COL4A4: variants seen among roughly 807,000 people sequenced by gnomAD.
COL4A4 encodes the protein collagen alpha-4(IV) chain.
COL4A4 carries 105 observed loss-of-function variants against 192.9 expected under a neutral mutation model. The ratio of observed to expected loss-of-function variants is 0.54; its 90% CI spans 0.46 to 0.64. The LOEUF (loss-of-function observed/expected upper bound fraction) is 0.64, where lower values mean the gene tolerates loss of function less well. Among genes scored for constraint, COL4A4 ranks in the 30% least tolerant of loss-of-function variants. The probability of loss-of-function intolerance (pLI) is 0.00; values close to 1 mark genes in which losing one functional copy is unlikely to be tolerated. For missense variants in COL4A4, 1,967 were observed against 2,169.3 expected, an observed-to-expected ratio of 0.91 and a Z score of 1.85; for synonymous variants, 762 against 769.9, an observed-to-expected ratio of 0.99 and a Z score of 0.17.
intron 23 of COL4A4, among the ~76,000 whole-genome samples, chr2:227,081,609 A>G (rs1174756104): frequency 6.6e-6 from 1 of 152,188 alleles, no homozygotes; most frequent in African/African-American, 2.4e-5. Flanking sequence ...TTTCACCTTG[A>G]GATCATATGA....
At position 227,023,083 on chromosome 2, in the gene COL4A4, G is replaced by A. The variant is rs75289293; in HGVS notation, c.4091-910C>T. ...TTCCTGAGTCAGAAGGTCTGAAGAG[G>A]GGGCCATGTACATCTCTAACATGTT... On this transcript the variant is annotated intron_variant, in intron 43 of 47. Transcript: ENST00000396625. Among the ~76,000 whole-genome samples the A allele has an allele frequency of 1.4e-3, 213 of 152,182 alleles. 1 individual carries two copies. In the East Asian group the frequency reaches 0.039, roughly 28 times the overall value.
chr2:227,080,120 A>C (rs2059241915), intron 24 of COL4A4, among the ~76,000 whole-genome samples: 1 of 152,204 alleles, frequency 6.6e-6, no homozygotes, highest in African/African-American at 2.4e-5. Context: ...CCACAGAGTC[A>C]ACTGAATACA....
At chr2:227,031,537 C>T (rs1335091794) in intron 40 of COL4A4, among the ~76,000 whole-genome samples, 2 of 152,098 alleles carry the variant, frequency 1.3e-5, no homozygotes, top group Non-Finnish European at 2.9e-5. Flanking sequence ...TCTTGTGTGC[C>T]ACAAGCCTGC....
chr2:227,002,860 A>G lies in COL4A4; in HGVS notation c.*4465T>C, dbSNP rs1428358604. 6.5e-6 allele frequency: 1 copy of G among 152,676 alleles called. No homozygotes were observed. 9.5% of individuals were successfully genotyped at this position (152,676 alleles called of 1,614,324 possible). A position where few individuals can be genotyped will look rare whatever the true frequency, so the allele number is the denominator to read the frequency against. ...TAACTTTACAACCAGAGGTTAGAGA[A>G]AGGGATGCAATTTATTAGACACATT... On this transcript the variant is annotated 3_prime_UTR_variant, in exon 48 of 48. Coordinates refer to ENST00000396625, the MANE Select transcript of COL4A4 (RefSeq NM_000092.5).
the COL4A4 span, chr2:226,988,839 G>C: frequency 2.9e-5 from 11 of 378,482 alleles, no homozygotes; most frequent in Non-Finnish European, 4.0e-5. Context: ...TTTGCAGCTA[G>C]ACCTATCTAT....
chr2:227,082,785 A>G (rs1372037906), intron 22 of COL4A4, among the ~76,000 whole-genome samples: 1 of 152,218 alleles, frequency 6.6e-6, no homozygotes. Flanking sequence ...ACCTTTTCTG[A>G]AGCTAATATA....
chr2:226,975,584 G>T, the COL4A4 span, among the ~76,000 whole-genome samples: 2 of 152,076 alleles, frequency 1.3e-5, no homozygotes, highest in African/African-American at 4.8e-5. Context: ...TGGGCAGTTT[G>T]GTACAGAAGA....
chr2:227,131,966 AGCTT>A, intron 4 of COL4A4, among the ~76,000 whole-genome samples: 1 of 152,276 alleles, frequency 6.6e-6, no homozygotes, highest in Middle Eastern at 3.4e-3. Context: ...CAGTGCCAGC[AGCTT>A]GCTTTTGGAC....
chr2:227,032,129 A>C lies in COL4A4; in HGVS notation c.3706+19T>G, dbSNP rs1246378616. 3 of 1,614,216 alleles carry C rather than the reference A, an allele frequency of 1.9e-6. No individual in the cohort carries two copies. The stretch of plus-strand genomic sequence containing the variant: ...TTGGTTTAGTTATTGAAAGAAGGGC[A>C]AAGCATGCTACAGCTTACCTGGGGG... On this transcript the variant is annotated intron_variant, in intron 39 of 47. Coordinates refer to ENST00000396625, the MANE Select transcript of COL4A4 (RefSeq NM_000092.5).
In COL4A4 at chr2:227,006,393, C is replaced by A. The variant is rs1042294489; in HGVS notation, c.*932G>T. 1 of 152,652 alleles carries A rather than the reference C, an allele frequency of 6.6e-6. No homozygotes were observed. Among genetic ancestry groups the A allele is most frequent in the Non-Finnish European group, 1.5e-5 (1 of 68,056 alleles). 9.5% of individuals were successfully genotyped at this position (152,652 alleles called of 1,614,324 possible). A position where few individuals can be genotyped will look rare whatever the true frequency, so the allele number is the denominator to read the frequency against. ...GCCTGCCTGAGTGAGCCCCATGTAG[C>A]GTCAGTCCCATTAGCACGCACGCAC... On this transcript the variant is annotated 3_prime_UTR_variant, in exon 48 of 48. Coordinates refer to ENST00000396625, the MANE Select transcript of COL4A4 (RefSeq NM_000092.5).
the COL4A4 span, among the ~76,000 whole-genome samples, chr2:226,978,577 CATTTGTTCATTT>C: frequency 1.3e-5 from 2 of 152,318 alleles, no homozygotes; most frequent in Admixed American, 6.5e-5. Flanking sequence ...TCCATTCCTG[CATTTGTTCATTT>C]ATTTGTTCAT....
Position 227,004,419 on chromosome 2 carries a change from G to C in COL4A4, c.*2906C>G, listed in dbSNP as rs775355828. On this transcript the variant is annotated 3_prime_UTR_variant, in exon 48 of 48. Transcript: ENST00000396625. Reference sequence around the variant, plus strand: ...GGAAATACTCCTAGAGGGAACCCTCGAACAGTCCCCACTGGACCTTTCACC... The same window carrying C: ...GGAAATACTCCTAGAGGGAACCCTCCAACAGTCCCCACTGGACCTTTCACC... 6.6e-6 allele frequency: 1 copy of C among 152,210 alleles called. No individual in the cohort carries two copies. The highest frequency in any genetic ancestry group is 2.1e-4 in the South Asian group (1 of 4,826). The allele number at this position is 152,210 out of a possible 1,614,324, so 9.4% of individuals were successfully genotyped here. A position where few individuals can be genotyped will look rare whatever the true frequency, so the allele number is the denominator to read the frequency against.
rs1358688803 is a variant in COL4A4 at position 227,149,949 on chromosome 2, C to T, written c.-101-2365G>A. Among the ~76,000 whole-genome samples the T allele has an allele frequency of 2.0e-5, 3 of 152,202 alleles. No individual in the cohort carries two copies. The East Asian group carries it at 5.8e-4, about 29-fold the overall frequency. ...CACTAGCCAAAACCATGAAAGGACA[C>T]TGGGAGTAGCCAATGCATTCTCATC... On this transcript the variant is annotated intron_variant, in intron 1 of 47. Transcript: ENST00000396625.
chr2:227,013,165 A>G (rs1964164354), intron 44 of COL4A4, among the ~76,000 whole-genome samples: 1 of 152,224 alleles, frequency 6.6e-6, no homozygotes, highest in South Asian at 2.1e-4. Flanking sequence ...TCAGGGGAGC[A>G]GACACAATCA....
rs1976328826 is a variant in COL4A4, at chr2:227,059,439, TC to T, written c.2348del (p.Gly783AspfsTer21). On this transcript the variant is annotated frameshift_variant, in exon 28 of 48. Coordinates refer to ENST00000396625, the MANE Select transcript of COL4A4 (RefSeq NM_000092.5). LOFTEE classifies it high-confidence loss of function. ...CTGGACATCCCGGATCACCTCTGGG[TC>T]CTTTTATCCCTGGCACTCCTGAAAG... ...RGLSGVPGIK[G>X]PRGDPGCPGA... 1 of 1,613,970 alleles carries T rather than the reference TC, an allele frequency of 6.2e-7. No individual in the cohort carries two copies. Among genetic ancestry groups the T allele is most frequent in the Non-Finnish European group, 8.5e-7 (1 of 1,180,018 alleles).
At chr2:226,981,569 TACAC>T in the COL4A4 span, among the ~76,000 whole-genome samples, 3 of 150,168 alleles carry the variant, frequency 2.0e-5, no homozygotes, top group Admixed American at 6.6e-5. Flanking sequence ...TGCACACACA[TACAC>T]ACACACACAC....
intron 44 of COL4A4, among the ~76,000 whole-genome samples, chr2:227,013,577 C>T (rs914285891): frequency 5.3e-5 from 8 of 152,260 alleles, no homozygotes; most frequent in East Asian, 1.9e-4. Flanking sequence ...TGGTGGCATC[C>T]GCAAGCCACG....
At position 227,102,771 on chromosome 2, in the gene COL4A4, A is replaced by G. The variant is rs2060595056; in HGVS notation, c.930+18T>C. ...AATATCTCCAAATTCACTGATGTTA[A>G]CAGCAAATGATGCTTACCCGAGGCC... On this transcript the variant is annotated intron_variant, in intron 15 of 47. Coordinates refer to ENST00000396625, the MANE Select transcript of COL4A4 (RefSeq NM_000092.5). 3.1e-6 allele frequency: 5 copies of G among 1,606,194 alleles called. No homozygotes were observed. Among genetic ancestry groups the G allele is most frequent in the Non-Finnish European group, 4.3e-6 (5 of 1,172,672 alleles).
the COL4A4 span, among the ~76,000 whole-genome samples, chr2:226,987,352 T>A: frequency 5.3e-5 from 8 of 151,440 alleles, no homozygotes; most frequent in East Asian, 1.9e-4. Flanking sequence ...AAAAAAAAAA[T>A]TGGGATGGGA....
Sources: allele counts gnomAD v4.1 joint callset (sites outside exome capture counted in the v4.1 genomes callset), GRCh38; gene constraint gnomAD v4.1.1; transcripts MANE v1.5; gene names NCBI Gene and HGNC (gene_info 2026-07-23, HGNC 2026-07-21).